Variants in FOXO3 observed in about 807,000 individuals in gnomAD.
The protein encoded by FOXO3 is forkhead box protein O3.
A neutral mutation model predicts 41.9 loss-of-function variants in FOXO3; 4 were observed. That is an observed-to-expected ratio of 0.10 (90% CI 0.05 to 0.22). The LOEUF is 0.22. Ranked by LOEUF, FOXO3 falls within the 10% of genes least tolerant of loss-of-function variation. The pLI is 1.00. For missense variants in FOXO3, 534 were observed against 906.8 expected (o/e 0.59, Z 5.28); for synonymous variants, 318 against 389.3 (o/e 0.82, Z 2.16).
intron 1 of FOXO3, among the ~76,000 whole-genome samples, chr6:108,602,082 C>A (rs545367543): frequency 9.3e-4 from 141 of 152,174 alleles, no homozygotes; most frequent in Non-Finnish European, 1.8e-3. Flanking sequence ...TAGCTGATTT[C>A]TTCTAAATGG....
chr6:108,626,758 T>A (rs1230969401), intron 1 of FOXO3, among the ~76,000 whole-genome samples: 1 of 151,956 alleles, frequency 6.6e-6, no homozygotes, highest in Non-Finnish European at 1.5e-5. Flanking sequence ...GGGTTTTAGG[T>A]GATTTTTATA....
intron 1 of FOXO3, among the ~76,000 whole-genome samples, chr6:108,571,264 A>G (rs993153641): frequency 6.6e-6 from 1 of 152,236 alleles, no homozygotes; most frequent in Non-Finnish European, 1.5e-5. Context: ...ATGGATCTAC[A>G]GGAGACTACT....
At chr6:108,664,949 G>A (rs1779005623) in intron 2 of FOXO3, 60 bp downstream of exon 2, 1 of 1,483,144 alleles carries the variant, frequency 6.7e-7, no homozygotes, top group Non-Finnish European at 9.1e-7. Flanking sequence ...GGATCTCTGG[G>A]GGAGCCTGTC....
intron 1 of FOXO3, among the ~76,000 whole-genome samples, chr6:108,622,256 C>CAA (rs984779744): frequency 0.011 from 509 of 47,582 alleles, 9 homozygotes; most frequent in African/African-American, 0.017. Flanking sequence ...AAGACTGTCT[C>CAA]AAAAAAAAAA....
At chr6:108,592,477 G>A (rs756210986) in intron 1 of FOXO3, among the ~76,000 whole-genome samples, 6 of 152,152 alleles carry the variant, frequency 3.9e-5, no homozygotes, top group Non-Finnish European at 8.8e-5. Flanking sequence ...CATCTCATCT[G>A]CCTTCCTCCT....
intron 2 of FOXO3, among the ~76,000 whole-genome samples, chr6:108,672,399 T>C (rs1202730655): frequency 1.3e-5 from 2 of 152,178 alleles, no homozygotes. Flanking sequence ...GCTGTTCTTC[T>C]CTAAGCGCTT....
At chr6:108,655,417 G>C (rs1359841963) in intron 1 of FOXO3, among the ~76,000 whole-genome samples, 1 of 152,158 alleles carries the variant, frequency 6.6e-6, no homozygotes, top group Non-Finnish European at 1.5e-5. Context: ...TATGTTACCA[G>C]ATCTAAGGAG....
chr6:108,566,041 G>A lies in FOXO3; in HGVS notation c.621+4212G>A, dbSNP rs557888152. Among the ~76,000 whole-genome samples the A allele has an allele frequency of 4.6e-5, 7 of 152,252 alleles. No homozygotes were observed. The South Asian group carries it at 1.5e-3, about 32-fold the overall frequency. On this transcript the variant is annotated intron_variant, in intron 1 of 2. Coordinates refer to ENST00000406360, the MANE Select transcript of FOXO3 (RefSeq NM_001455.4). Reference sequence around the variant, plus strand: ...CGTTTTGTAATTTCCTTTGGCAATAGTGTCTTCGTCAGTGATTCTCAACTA... The same window carrying A: ...CGTTTTGTAATTTCCTTTGGCAATAATGTCTTCGTCAGTGATTCTCAACTA...
At chr6:108,649,515 CTTTTTTTTTTTT>C in intron 1 of FOXO3, among the ~76,000 whole-genome samples, 1 of 95,204 alleles carries the variant, frequency 1.1e-5, no homozygotes, top group African/African-American at 4.3e-5. Flanking sequence ...CCACCCTCAG[CTTTTTTTTTTTT>C]TTTTTTTTTT....
intron 1 of FOXO3, among the ~76,000 whole-genome samples, chr6:108,598,473 A>G (rs756989295): frequency 5.3e-5 from 8 of 152,246 alleles, no homozygotes; most frequent in Non-Finnish European, 1.2e-4. Context: ...AAAAAGAACC[A>G]CTGGCACGCA....
At chr6:108,608,046 A>G (rs1046785997) in intron 1 of FOXO3, among the ~76,000 whole-genome samples, 6 of 152,166 alleles carry the variant, frequency 3.9e-5, no homozygotes, top group African/African-American at 1.4e-4. Flanking sequence ...TGCCATTTCC[A>G]AGGACCTTGG....
At chr6:108,620,456 G>A (rs1777635604) in intron 1 of FOXO3, among the ~76,000 whole-genome samples, 1 of 152,116 alleles carries the variant, frequency 6.6e-6, no homozygotes, top group South Asian at 2.1e-4. Context: ...GAAGTGACCT[G>A]CTTTTTGCAG....
At chr6:108,593,603 C>T (rs570979530) in intron 1 of FOXO3, among the ~76,000 whole-genome samples, 3 of 151,998 alleles carry the variant, frequency 2.0e-5, no homozygotes, top group African/African-American at 7.2e-5. Flanking sequence ...GTCTCTAACT[C>T]CTGGCCTCAA....
intron 2 of FOXO3, among the ~76,000 whole-genome samples, chr6:108,667,472 G>A (rs540454070): frequency 2.0e-5 from 3 of 152,272 alleles, no homozygotes; most frequent in African/African-American, 4.8e-5. Flanking sequence ...TTTCTAGTTC[G>A]TTGGAAAATA....
At chr6:108,630,361 A>G (rs764338992) in intron 1 of FOXO3, among the ~76,000 whole-genome samples, 2 of 152,072 alleles carry the variant, frequency 1.3e-5, no homozygotes, top group Non-Finnish European at 2.9e-5. Context: ...GTTAGGTAGG[A>G]GTAGAGGGGG....
At position 108,610,547 on chromosome 6, in the gene FOXO3, AAG is replaced by A. The variant is rs368710958; in HGVS notation, c.621+48726_621+48727del. ...TGTGTGCCCCTGTGTTTTGGTTTTT[AAG>A]AGAGAGAACGCATTCATACTCTGTT... is the stretch of plus-strand genomic sequence containing the variant. On this transcript the variant is annotated intron_variant, in intron 1 of 2. Coordinates refer to ENST00000406360, the MANE Select transcript of FOXO3 (RefSeq NM_001455.4). 8.9e-4 allele frequency among the ~76,000 whole-genome samples: 136 copies of A among 152,278 alleles called. 1 individual carries two copies. In the East Asian group the frequency reaches 0.017, roughly 19 times the overall value.
At chr6:108,671,608 A>G (rs7763137) in intron 2 of FOXO3, among the ~76,000 whole-genome samples, 152,233 of 152,366 alleles carry the variant, frequency 1, 76,050 homozygotes, top group East Asian at 1. Context: ...ATGTCTTTTG[A>G]CACCTTTTTA....
chr6:108,568,740 T>TG (rs1234181144), intron 1 of FOXO3, among the ~76,000 whole-genome samples: 1 of 152,154 alleles, frequency 6.6e-6, no homozygotes. Flanking sequence ...GCTCTGAAGG[T>TG]GGCATCAGCT....
At chr6:108,669,701 T>G (rs1300926303) in intron 2 of FOXO3, among the ~76,000 whole-genome samples, 1 of 152,198 alleles carries the variant, frequency 6.6e-6, no homozygotes, top group African/African-American at 2.4e-5. Flanking sequence ...GGGTTTTCTT[T>G]GCAGAGGCTG....
Sources: allele counts gnomAD v4.1 joint callset (sites outside exome capture counted in the v4.1 genomes callset), GRCh38; gene constraint gnomAD v4.1.1; transcripts MANE v1.5; gene names NCBI Gene and HGNC (gene_info 2026-07-23, HGNC 2026-07-21).